EFCAB6: variants seen among roughly 807,000 people sequenced by gnomAD.
EFCAB6 encodes the protein EF-hand calcium binding domain 6.
In EFCAB6, 156 loss-of-function variants were observed where a neutral mutation model predicts 169.8. The ratio of observed to expected loss-of-function variants is 0.92; its 90% CI spans 0.81 to 1.05. EFCAB6 has a LOEUF of 1.05. Ranked by LOEUF, EFCAB6 falls within the 50% of genes least tolerant of loss-of-function variation. The pLI is 0.00. For missense variants in EFCAB6, 1,800 were observed against 1,829.1 expected (o/e 0.98, Z 0.29); for synonymous variants, 698 against 676.4 (o/e 1.03, Z -0.50).
At chr22:43,711,400 A>G (rs1428128821) in intron 10 of EFCAB6, 75 bp downstream of exon 10, 3 of 1,399,976 alleles carry the variant, frequency 2.1e-6, no homozygotes, top group South Asian at 3.2e-5. Context: ...TTAATAAAAA[A>G]TAAACGAAGC....
At position 43,744,709 on chromosome 22, in the gene EFCAB6, C is replaced by T. The variant is rs370357238; in HGVS notation, c.508-8716G>A. On this transcript the variant is annotated intron_variant, in intron 6 of 31. Coordinates refer to ENST00000262726, the MANE Select transcript of EFCAB6 (RefSeq NM_022785.4). This position sits in a 1 kb window ranked among gnomAD's most constrained non-coding sequence, Gnocchi z 4.3. ...GTTCAGAGGCCCCCAAAGCACTGTC[C>T]TAATTACTCCCCACGGACCCTATAG... 2.6e-5 allele frequency among the ~76,000 whole-genome samples: 4 copies of T among 152,234 alleles called. No individual in the cohort carries two copies. In the South Asian group the frequency reaches 8.3e-4, roughly 32 times the overall value.
At chr22:43,706,136 A>G (rs137821) in intron 10 of EFCAB6, among the ~76,000 whole-genome samples, 36,266 of 152,140 alleles carry the variant, frequency 0.24, 4,478 homozygotes, top group Middle Eastern at 0.26. Flanking sequence ...ACAACCTTCC[A>G]AGACTGAATC....
chr22:43,597,932 A>G (rs2052148052), intron 23 of EFCAB6, among the ~76,000 whole-genome samples: 1 of 152,240 alleles, frequency 6.6e-6, no homozygotes, highest in Non-Finnish European at 1.5e-5. Context: ...CAAGATGGAC[A>G]GAACTAGACA....
At chr22:43,599,918 A>G (rs2052368906) in intron 23 of EFCAB6, 151 bp downstream of exon 23, 1 of 871,342 alleles carries the variant, frequency 1.1e-6, no homozygotes, top group African/African-American at 1.7e-5. Context: ...ACTTCGCACC[A>G]ATTTCTAGAA....
At chr22:43,762,918 C>CA (rs950726211) in intron 5 of EFCAB6, among the ~76,000 whole-genome samples, 1 of 152,202 alleles carries the variant, frequency 6.6e-6, no homozygotes, top group African/African-American at 2.4e-5. Context: ...GACAAACTGT[C>CA]ATTCTTTTGA....
intron 6 of EFCAB6, among the ~76,000 whole-genome samples, chr22:43,751,516 C>T (rs1400388382): frequency 2.6e-5 from 4 of 152,192 alleles, no homozygotes; most frequent in South Asian, 2.1e-4. Context: ...AGGTCTCGGG[C>T]GCTGCCACCA....
chr22:43,619,371 A>G (rs1458872048), intron 20 of EFCAB6, among the ~76,000 whole-genome samples: 1 of 152,242 alleles, frequency 6.6e-6, no homozygotes, highest in Non-Finnish European at 1.5e-5. Flanking sequence ...GAGGATTTTA[A>G]CAAAATCAGA....
intron 10 of EFCAB6, among the ~76,000 whole-genome samples, chr22:43,692,289 AT>A (rs1367177943): frequency 2.0e-5 from 3 of 152,224 alleles, no homozygotes; most frequent in African/African-American, 2.4e-5. Flanking sequence ...TTAGAAAAAA[AT>A]AACTGAATTT....
At chr22:43,788,637 A>G (rs973484872) in intron 2 of EFCAB6, among the ~76,000 whole-genome samples, 1 of 152,260 alleles carries the variant, frequency 6.6e-6, no homozygotes, top group Non-Finnish European at 1.5e-5. Context: ...GTGAGAATGT[A>G]AAATGGTACA....
At chr22:43,612,305 G>T (rs2053369721) in intron 21 of EFCAB6, among the ~76,000 whole-genome samples, 1 of 152,106 alleles carries the variant, frequency 6.6e-6, no homozygotes, top group African/African-American at 2.4e-5. Context: ...TGACAAATGG[G>T]ATCTAATTAG....
intron 17 of EFCAB6, among the ~76,000 whole-genome samples, chr22:43,637,011 CA>C (rs1277454067): frequency 2.4e-4 from 36 of 152,132 alleles, no homozygotes; most frequent in Admixed American, 2.4e-3. Context: ...GGAAATGGCC[CA>C]GGGGGAGCGG....
chr22:43,714,596 C>T (rs1292666841), intron 9 of EFCAB6, among the ~76,000 whole-genome samples: 5 of 151,050 alleles, frequency 3.3e-5, no homozygotes, highest in African/African-American at 1.2e-4. Flanking sequence ...GAAAGAATTC[C>T]GGCTGACTCC....
At chr22:43,597,464 C>T (rs1159540054) in intron 23 of EFCAB6, among the ~76,000 whole-genome samples, 1 of 152,140 alleles carries the variant, frequency 6.6e-6, no homozygotes, top group Non-Finnish European at 1.5e-5. Flanking sequence ...CAAAAGAGGA[C>T]ATATAAAGTG....
Position 43,735,874 on chromosome 22 carries a change from T to C in EFCAB6, c.627A>G (p.Arg209=). 1 of 1,613,792 alleles carries C rather than the reference T, an allele frequency of 6.2e-7. No homozygotes were observed. Among genetic ancestry groups the C allele is most frequent in the Admixed American group, 1.7e-5 (1 of 59,914 alleles). ...RVLETFCMKL[R]DEEYEKFSKH... ...TTGCTTACTTTTCGTATTCCTCGTCTCTTAACTTCATACAGAAGGTCTCCA... is the reference window on the plus strand; with the variant it reads ...TTGCTTACTTTTCGTATTCCTCGTCCCTTAACTTCATACAGAAGGTCTCCA... Residue 209 remains arginine (R), a synonymous_variant, in exon 7 of 32, where the codon AGA becomes AGG. Transcript: ENST00000262726.
At chr22:43,549,699 A>G (rs906534915) in intron 27 of EFCAB6, among the ~76,000 whole-genome samples, 1 of 152,246 alleles carries the variant, frequency 6.6e-6, no homozygotes, top group Non-Finnish European at 1.5e-5. Flanking sequence ...CTAGTGTAAT[A>G]TTGATACCAA....
chr22:43,650,627 A>G (rs2056421685), intron 17 of EFCAB6, among the ~76,000 whole-genome samples: 1 of 152,220 alleles, frequency 6.6e-6, no homozygotes, highest in Non-Finnish European at 1.5e-5. Context: ...TAACAGGCAG[A>G]GGTTGAAACA....
At chr22:43,676,418 CAAAA>C (rs34550416) in intron 13 of EFCAB6, among the ~76,000 whole-genome samples, 2 of 60,468 alleles carry the variant, frequency 3.3e-5, no homozygotes. Flanking sequence ...GACTCCGTCT[CAAAA>C]AAAAAAAAAA....
intron 13 of EFCAB6, among the ~76,000 whole-genome samples, chr22:43,673,993 T>C (rs1047177147): frequency 6.6e-6 from 1 of 150,864 alleles, no homozygotes; most frequent in Non-Finnish European, 1.5e-5. Flanking sequence ...AGTCATTGTA[T>C]GGTCTTGCTT....
chr22:43,795,718 C>T lies in EFCAB6; in HGVS notation c.-8+13277G>A, dbSNP rs889177883. On this transcript the variant is annotated intron_variant, in intron 2 of 31. Coordinates refer to ENST00000262726, the MANE Select transcript of EFCAB6 (RefSeq NM_022785.4). The surrounding 1 kb of genome is among the most constrained non-coding windows in gnomAD (Gnocchi z 4.2). ...AATAAAAGGGTGTGTTTACACCACT[C>T]TACCCCCAGCCCCGAAGTACTCAGC... Among the ~76,000 whole-genome samples, 3 of 152,126 alleles carry T rather than the reference C, an allele frequency of 2.0e-5. No homozygotes were observed. The highest frequency in any genetic ancestry group is 7.2e-5 in the African/African-American group (3 of 41,416).
Sources: gnomAD v4.1 joint callset for allele counts (sites outside exome capture counted in the v4.1 genomes callset) on GRCh38, gnomAD v4.1.1 for gene constraint, Gnocchi (gnomAD v3.1) non-coding constraint, MANE v1.5 for transcripts, NCBI Gene and HGNC (gene_info 2026-07-23, HGNC 2026-07-21) for gene names.